INPP5D: variants seen among roughly 807,000 people sequenced by gnomAD.
The protein encoded by INPP5D is inositol polyphosphate-5-phosphatase D.
A neutral mutation model predicts 122.9 loss-of-function variants in INPP5D; 33 were observed. The observed-to-expected ratio is 0.27, with a 90% CI of 0.20 to 0.36. The LOEUF (loss-of-function observed/expected upper bound fraction) is 0.36. Among genes scored for constraint, INPP5D ranks in the 10% least tolerant of loss-of-function variants. INPP5D has a pLI of 1.00. For synonymous variants in INPP5D, 584 were observed against 576.2 expected (o/e 1.01, Z -0.19); for missense variants, 1,053 against 1,412.7 (o/e 0.75, Z 4.08).
rs928838082 is a variant in INPP5D, at chr2:233,163,714, C to T, written c.1248C>T (p.Ala416=). 1.9e-6 allele frequency: 3 copies of T among 1,613,718 alleles called. No individual in the cohort carries two copies. Among genetic ancestry groups the T allele is most frequent in the African/African-American group, 1.3e-5 (1 of 74,964 alleles). Residue 416 remains alanine (A), a synonymous_variant, in exon 12 of 27, where the codon GCC becomes GCT. Transcript: ENST00000445964. ...TGGGTTTTGCTGTTGAAGGTAACGC[C>T]CCCCCTCCCAAGAAGATCACGTCCT... ...IFIGTWNMGN[A]PPPKKITSWF...
intron 17 of INPP5D, among the ~76,000 whole-genome samples, chr2:233,173,729 C>T (rs960153537): frequency 5.3e-5 from 8 of 151,894 alleles, no homozygotes; most frequent in East Asian, 3.9e-4. Flanking sequence ...GTCAAGAGGT[C>T]GAGACCAGCC....
At position 233,189,948 on chromosome 2, in the gene INPP5D, G is replaced by A. The variant is rs764044205; in HGVS notation, c.2446+11G>A. 3.7e-6 allele frequency: 6 copies of A among 1,612,450 alleles called. No homozygotes were observed. In the South Asian group the frequency reaches 4.4e-5, roughly 12 times the overall value. On this transcript the variant is annotated intron_variant, in intron 22 of 26. Transcript: ENST00000445964. The surrounding 1 kb of genome is among the most constrained non-coding windows in gnomAD (Gnocchi z 5.6). ...GCGACGAATCCTATGGTAAGGGTCT[G>A]TGGGCAGGTGCCACACCTGCCTGTG...
At chr2:233,076,770 G>A (rs1691531031) in intron 1 of INPP5D, among the ~76,000 whole-genome samples, 1 of 152,226 alleles carries the variant, frequency 6.6e-6, no homozygotes, top group African/African-American at 2.4e-5. Flanking sequence ...ATGGGAACAT[G>A]CTGAAGGACT....
chr2:233,101,425 G>A (rs918205968), intron 2 of INPP5D, among the ~76,000 whole-genome samples: 1 of 151,828 alleles, frequency 6.6e-6, no homozygotes, highest in Non-Finnish European at 1.5e-5. Flanking sequence ...AGAGACTCCT[G>A]TCACACCTGT....
rs66533229 is a variant in INPP5D, at chr2:233,065,580, CTTCTTTCTTTCTTTCT to C, written c.134+5027_134+5042del. On this transcript the variant is annotated intron_variant, in intron 1 of 26. Transcript: ENST00000445964. ...CCCAGCCTTTTTCTTTCTTTCTTTCCTTCTTTCTTTCTTTCTTTCTTTCTTTCTTTCTTTCTTTCTT... is the reference window on the plus strand; with the variant it reads ...CCCAGCCTTTTTCTTTCTTTCTTTCCTTCTTTCTTTCTTTCTTTCTTTCTT... Among the ~76,000 whole-genome samples, 73 of 13,254 alleles carry C rather than the reference CTTCTTTCTTTCTTTCT, an allele frequency of 5.5e-3. 5 individuals carry two copies. Among genetic ancestry groups the C allele is most frequent in the Admixed American group, 0.016 (32 of 1,968 alleles). The allele number at this position is 13,254 out of a possible 152,430, so 8.7% of individuals were successfully genotyped here. A position where few individuals can be genotyped will look rare whatever the true frequency, so the allele number is the denominator to read the frequency against.
In INPP5D at chr2:233,128,511, T is replaced by A. The variant is rs1410940557; in HGVS notation, c.525-1997T>A. On this transcript the variant is annotated intron_variant, in intron 4 of 26. Coordinates refer to ENST00000445964, the MANE Select transcript of INPP5D (RefSeq NM_001017915.3). The surrounding 1 kb of genome is among the most constrained non-coding windows in gnomAD (Gnocchi z 4.5). ...TATTTTTTTTGAGATGGAGTCTCGC[T>A]CTGTCACCCAAGCTGGAACACAGTG... 6.6e-6 allele frequency among the ~76,000 whole-genome samples: 1 copy of A among 152,162 alleles called. No individual in the cohort carries two copies. Among genetic ancestry groups the A allele is most frequent in the Non-Finnish European group, 1.5e-5 (1 of 68,044 alleles).
intron 2 of INPP5D, among the ~76,000 whole-genome samples, chr2:233,094,603 C>A (rs1445710219): frequency 6.8e-6 from 1 of 147,640 alleles, no homozygotes; most frequent in South Asian, 2.2e-4. Context: ...TACATTTTCA[C>A]TGGGCATCAT....
At chr2:233,119,437 C>G (rs1050788926) in intron 2 of INPP5D, among the ~76,000 whole-genome samples, 5 of 152,164 alleles carry the variant, frequency 3.3e-5, no homozygotes, top group African/African-American at 1.2e-4. Context: ...GTTTTTGAAC[C>G]TACTCATGTT....
intron 2 of INPP5D, among the ~76,000 whole-genome samples, chr2:233,116,838 A>T (rs1171474360): frequency 4.3e-5 from 6 of 138,646 alleles, no homozygotes; most frequent in African/African-American, 1.6e-4. Flanking sequence ...CTCGTGATCC[A>T]CCCACCTCGG....
At chr2:233,061,414 G>T (rs888695612) in intron 1 of INPP5D, among the ~76,000 whole-genome samples, 10 of 152,066 alleles carry the variant, frequency 6.6e-5, no homozygotes, top group African/African-American at 1.7e-4. Context: ...CTAATCATAG[G>T]GGGGCCTTGC....
chr2:233,115,428 C>T (rs1488218176), intron 2 of INPP5D, among the ~76,000 whole-genome samples: 1 of 152,172 alleles, frequency 6.6e-6, no homozygotes, highest in East Asian at 1.9e-4. Context: ...TGTGACTTTC[C>T]TGGATGGTGT....
rs1316588732 is a variant in INPP5D, at chr2:233,189,708, C to T, written c.2359-142C>T. On this transcript the variant is annotated intron_variant, in intron 21 of 26. Coordinates refer to ENST00000445964, the MANE Select transcript of INPP5D (RefSeq NM_001017915.3). The surrounding 1 kb of genome is among the most constrained non-coding windows in gnomAD (Gnocchi z 5.6). ...GGTGTATGTGAAAGCTATACCCCAC[C>T]TGCTCTCTTGGGTATGGACAGCAGA... The T allele has an allele frequency of 1.2e-5, 15 of 1,249,880 alleles. No individual in the cohort carries two copies. In the East Asian group the frequency reaches 4.0e-4, roughly 34 times the overall value. 77.4% of individuals were successfully genotyped at this position (1,249,880 alleles called of 1,614,324 possible).
chr2:233,084,588 C>T (rs1242357731), intron 2 of INPP5D, among the ~76,000 whole-genome samples: 1 of 152,214 alleles, frequency 6.6e-6, no homozygotes, highest in Admixed American at 6.5e-5. Context: ...TTTCTAAAAG[C>T]TGTTCCGTCA....
In INPP5D at chr2:233,169,973, T is replaced by C. The variant is rs918011817; in HGVS notation, c.1653-53T>C. The stretch of plus-strand genomic sequence containing the variant: ...TGGCAGGAGTGACTTCCTGCCACAG[T>C]GGAGGGGGAACCAGTGACCCCGTGC... On this transcript the variant is annotated intron_variant, in intron 14 of 26. Coordinates refer to ENST00000445964, the MANE Select transcript of INPP5D (RefSeq NM_001017915.3). 2.0e-5 allele frequency: 33 copies of C among 1,611,158 alleles called. No individual in the cohort carries two copies. In the African/African-American group the frequency reaches 4.1e-4, roughly 20 times the overall value.
intron 26 of INPP5D, among the ~76,000 whole-genome samples, chr2:233,205,930 T>A (rs979665125): frequency 1.3e-5 from 2 of 151,986 alleles, no homozygotes; most frequent in Non-Finnish European, 2.9e-5. Context: ...AATACAAAAA[T>A]TAGCTGGGCA....
At chr2:233,199,340 T>C in intron 25 of INPP5D, among the ~76,000 whole-genome samples, 1 of 138,808 alleles carries the variant, frequency 7.2e-6, no homozygotes, top group East Asian at 2.0e-4. Context: ...TGAGCCAAGA[T>C]TGCACCACTG....
At chr2:233,173,329 G>C (rs1048631083) in intron 17 of INPP5D, among the ~76,000 whole-genome samples, 7 of 152,136 alleles carry the variant, frequency 4.6e-5, no homozygotes, top group Non-Finnish European at 2.9e-5. Context: ...GAGTGCGAAG[G>C]CCTAGGACAT....
intron 1 of INPP5D, among the ~76,000 whole-genome samples, chr2:233,062,409 C>G (rs1691101259): frequency 6.6e-6 from 1 of 152,182 alleles, no homozygotes; most frequent in Admixed American, 6.5e-5. Flanking sequence ...GTGCAACAGC[C>G]CTGGCTTTTC....
intron 2 of INPP5D, among the ~76,000 whole-genome samples, chr2:233,114,745 C>T (rs1692735952): frequency 6.6e-6 from 1 of 152,190 alleles, no homozygotes; most frequent in African/African-American, 2.4e-5. Context: ...AAACCCACAC[C>T]ATTCTCTCCA....
Sources: gnomAD v4.1 joint callset for allele counts (sites outside exome capture counted in the v4.1 genomes callset) on GRCh38, gnomAD v4.1.1 for gene constraint, Gnocchi (gnomAD v3.1) non-coding constraint, MANE v1.5 for transcripts, NCBI Gene and HGNC (gene_info 2026-07-23, HGNC 2026-07-21) for gene names.